Variants in POLH observed in about 807,000 individuals in gnomAD.
The protein encoded by POLH is DNA polymerase eta transcript.
In POLH, 53 loss-of-function variants were observed where a neutral mutation model predicts 73.6. The ratio of observed to expected loss-of-function variants is 0.72; its 90% CI spans 0.58 to 0.91. POLH has a LOEUF of 0.91. POLH is among the 40% of genes least tolerant of loss of function. The pLI is 0.00. For missense variants in POLH, 768 were observed against 865.4 expected, an observed-to-expected ratio of 0.89 and a Z score of 1.41; for synonymous variants, 292 against 308.5, an observed-to-expected ratio of 0.95 and a Z score of 0.56.
chr6:43,581,754 C>T (rs1282766344), intron 1 of POLH, among the ~76,000 whole-genome samples: 2 of 149,450 alleles, frequency 1.3e-5, no homozygotes, highest in South Asian at 4.1e-4. Flanking sequence ...GTCAGCGCCG[C>T]GACTGTCCCG....
At chr6:43,602,996 T>G (rs554158596) in intron 6 of POLH, among the ~76,000 whole-genome samples, 33 of 104,728 alleles carry the variant, frequency 3.2e-4, no homozygotes, top group African/African-American at 1.9e-3. Flanking sequence ...TATGTATTCC[T>G]TTTTTTTTTT....
At chr6:43,592,569 G>A (rs193250876) in intron 4 of POLH, among the ~76,000 whole-genome samples, 92 of 151,940 alleles carry the variant, frequency 6.1e-4, no homozygotes, top group African/African-American at 2.0e-3. Context: ...CCGCCACCAC[G>A]CCCGGCTAAT....
chr6:43,580,930 C>T (rs1171432118), intron 1 of POLH, among the ~76,000 whole-genome samples: 30 of 146,622 alleles, frequency 2.0e-4, no homozygotes, highest in South Asian at 6.5e-4. Flanking sequence ...CACGGCTGGC[C>T]AGGCGGGGGG....
chr6:43,605,832 C>G (rs1767225843), intron 9 of POLH, among the ~76,000 whole-genome samples: 1 of 151,994 alleles, frequency 6.6e-6, no homozygotes, highest in East Asian at 1.9e-4. Flanking sequence ...ATTCTCCTGC[C>G]TCACCTTCCC....
At chr6:43,603,763 C>A in intron 6 of POLH, 129 bp from the exon 7 acceptor site, 1 of 876,076 alleles carries the variant, frequency 1.1e-6, no homozygotes. Context: ...TAACTGAATT[C>A]CCAGAATATA....
intron 1 of POLH, among the ~76,000 whole-genome samples, chr6:43,577,472 A>G (rs764143154): frequency 6.6e-6 from 1 of 152,210 alleles, no homozygotes; most frequent in Non-Finnish European, 1.5e-5. Context: ...TTATAGTTTT[A>G]ACTTGTAAAT....
chr6:43,605,420 C>T, intron 9 of POLH, 101 bp downstream of exon 9: 1 of 649,324 alleles, frequency 1.5e-6, no homozygotes, highest in Non-Finnish European at 2.8e-6. Context: ...AAAGTATTAG[C>T]ATAGGAAATA....
chr6:43,620,443 T>C lies in POLH; in HGVS notation c.*5886T>C, dbSNP rs895059254. On this transcript the variant is annotated 3_prime_UTR_variant, in exon 11 of 11. Coordinates refer to ENST00000372236, the MANE Select transcript of POLH (RefSeq NM_006502.3). ...ACTTGTCTCTAATCCTGAAGAGGTA[T>C]CTAGCCCTGGAAGGAAGCTGAGCCT... 21 of 385,578 alleles carry C rather than the reference T, an allele frequency of 5.4e-5. No individual in the cohort carries two copies. The highest frequency in any genetic ancestry group is 8.0e-4 in the Middle Eastern group (2 of 2,510). The allele number at this position is 385,578 out of a possible 1,614,324, so 23.9% of individuals were successfully genotyped here.
At position 43,618,246 on chromosome 6, in the gene POLH, C is replaced by T. The variant is rs1768475039; in HGVS notation, c.*3689C>T. Among the ~76,000 whole-genome samples the T allele has an allele frequency of 6.6e-6, 1 of 152,020 alleles. No individual in the cohort carries two copies. The highest frequency in any genetic ancestry group is 1.5e-5 in the Non-Finnish European group (1 of 68,024). ...TCTTGGCTCACTGCAACCTCCGTCT[C>T]TCGGGTTCAAGCAATTCTCCTGCCT... On this transcript the variant is annotated 3_prime_UTR_variant, in exon 11 of 11. Coordinates refer to ENST00000372236, the MANE Select transcript of POLH (RefSeq NM_006502.3).
rs760455825 is a variant in POLH, at chr6:43,610,711, T to A, written c.1232T>A (p.Ile411Asn). 1.2e-6 allele frequency: 2 copies of A among 1,612,184 alleles called. No homozygotes were observed. The highest frequency in any genetic ancestry group is 1.7e-6 in the Non-Finnish European group (2 of 1,179,340). Residue 411 changes from isoleucine (I) to asparagine (N), a missense_variant, in exon 10 of 11, where the codon ATC (isoleucine) becomes AAC (asparagine). By Grantham distance (149) the Ile-to-Asn change is moderately radical. Coordinates refer to ENST00000372236, the MANE Select transcript of POLH (RefSeq NM_006502.3). The part of the protein sequence containing the change: ...TVIKNCNTSG[I>N]QTEWSPPLTM... ...ATCAAGAACTGTAATACTTCTGGAA[T>A]CCAGACAGAATGGTGAGTTCTTTTC...
intron 3 of POLH, among the ~76,000 whole-genome samples, chr6:43,587,057 A>G (rs908341684): frequency 6.6e-6 from 1 of 152,076 alleles, no homozygotes; most frequent in Non-Finnish European, 1.5e-5. Context: ...TTGTGCTAAA[A>G]ATGTTTGCCT....
At chr6:43,595,325 C>T (rs556015216) in intron 4 of POLH, among the ~76,000 whole-genome samples, 74 of 151,910 alleles carry the variant, frequency 4.9e-4, no homozygotes, top group Admixed American at 3.3e-3. Context: ...TTAGTAGAGA[C>T]GGGGTTTCAC....
intron 1 of POLH, among the ~76,000 whole-genome samples, chr6:43,577,461 G>A (rs1463585466): frequency 2.0e-5 from 3 of 152,188 alleles, no homozygotes; most frequent in Non-Finnish European, 4.4e-5. Flanking sequence ...CTTCTGGCAT[G>A]TTATAGTTTT....
In POLH at chr6:43,617,793, C is replaced by T. The variant is rs762013843; in HGVS notation, c.*3236C>T. ...AAATACAACTGGGCGTGGTGGTGCA[C>T]GCCTGTAGTCCCAGCTACTTGGGAG... is the stretch of plus-strand genomic sequence containing the variant. On this transcript the variant is annotated 3_prime_UTR_variant, in exon 11 of 11. Coordinates refer to ENST00000372236, the MANE Select transcript of POLH (RefSeq NM_006502.3). Among the ~76,000 whole-genome samples, 4 of 151,326 alleles carry T rather than the reference C, an allele frequency of 2.6e-5. 1 individual carries two copies. The highest frequency in any genetic ancestry group is 4.2e-4 in the South Asian group (2 of 4,794).
chr6:43,578,641 G>C (rs6458343), intron 1 of POLH, among the ~76,000 whole-genome samples: 3 of 152,166 alleles, frequency 2.0e-5, no homozygotes, highest in East Asian at 1.9e-4. Flanking sequence ...TTAAATTTTG[G>C]TAATTGTGTT....
intron 4 of POLH, among the ~76,000 whole-genome samples, chr6:43,596,834 A>G (rs1486786464): frequency 6.6e-6 from 1 of 152,206 alleles, no homozygotes. Flanking sequence ...GTATGTACTC[A>G]GAGTAAGATA....
intron 3 of POLH, among the ~76,000 whole-genome samples, chr6:43,584,991 AAAAC>A: frequency 6.6e-6 from 1 of 152,202 alleles, no homozygotes; most frequent in East Asian, 1.9e-4. Context: ...AATTAAAACA[AAAAC>A]AAAAACAAAA....
At chr6:43,583,793 C>T (rs1382218213) in intron 3 of POLH, among the ~76,000 whole-genome samples, 1 of 152,116 alleles carries the variant, frequency 6.6e-6, no homozygotes, top group Non-Finnish European at 1.5e-5. Flanking sequence ...TAATATTACT[C>T]CCCCTTCACA....
At chr6:43,581,109 C>T (rs1187826222) in intron 1 of POLH, among the ~76,000 whole-genome samples, 74 of 140,300 alleles carry the variant, frequency 5.3e-4, no homozygotes, top group African/African-American at 1.3e-3. Flanking sequence ...GGGCAGCTGC[C>T]GGGCGGAGGG....
Sources: allele counts gnomAD v4.1 joint callset (sites outside exome capture counted in the v4.1 genomes callset), GRCh38; gene constraint gnomAD v4.1.1; transcripts MANE v1.5; gene names NCBI Gene and HGNC (gene_info 2026-07-23, HGNC 2026-07-21).